The following EDIL3 variants were observed in gnomAD, a reference collection of about 807,000 sequenced individuals.
EDIL3 encodes the protein EGF-like repeat and discoidin I-like domain-containing protein 3.
EDIL3 carries 37 observed loss-of-function variants against 67.4 expected under a neutral mutation model. That is an observed-to-expected ratio of 0.55 (90% CI 0.42 to 0.72). The LOEUF (loss-of-function observed/expected upper bound fraction) is 0.72. Ranked by LOEUF, EDIL3 falls within the 30% of genes least tolerant of loss-of-function variation. The probability of loss-of-function intolerance (pLI) is 0.00; values close to 1 mark genes in which losing one functional copy is unlikely to be tolerated. For missense variants in EDIL3, 527 were observed against 586.3 expected (o/e 0.90, Z 1.04); for synonymous variants, 195 against 196.3 (o/e 0.99, Z 0.05).
At chr5:83,956,137 A>G (rs1046935113) in intron 10 of EDIL3, among the ~76,000 whole-genome samples, 4 of 151,640 alleles carry the variant, frequency 2.6e-5, no homozygotes, top group African/African-American at 9.7e-5. Context: ...TTGCACTTAC[A>G]TTGGGCACTA....
intron 9 of EDIL3, among the ~76,000 whole-genome samples, chr5:84,052,537 C>T (rs555898469): frequency 1.1e-3 from 172 of 152,208 alleles, no homozygotes; most frequent in African/African-American, 3.8e-3. Flanking sequence ...AGTCAAGACC[C>T]ATCAGTGTGC....
chr5:84,222,779 C>CTT (rs35447376), intron 3 of EDIL3, among the ~76,000 whole-genome samples: 101,810 of 151,294 alleles, frequency 0.67, 34,615 homozygotes, highest in East Asian at 0.85. Flanking sequence ...CTCATGTCTT[C>CTT]TAGAGAAATG....
intron 1 of EDIL3, among the ~76,000 whole-genome samples, chr5:84,307,480 C>T (rs1746295399): frequency 6.6e-6 from 1 of 152,128 alleles, no homozygotes; most frequent in Non-Finnish European, 1.5e-5. Context: ...AGAAACTAGA[C>T]AACTGCTACA....
intron 1 of EDIL3, among the ~76,000 whole-genome samples, chr5:84,299,505 C>T (rs1169700586): frequency 6.6e-6 from 1 of 152,138 alleles, no homozygotes; most frequent in Non-Finnish European, 1.5e-5. Flanking sequence ...AGTTCTACCT[C>T]CTTAAATTAC....
intron 8 of EDIL3, 88 bp from the exon 9 acceptor site, chr5:84,060,572 T>A: frequency 7.3e-7 from 1 of 1,373,672 alleles, no homozygotes; most frequent in Non-Finnish European, 1.0e-6. Context: ...AAGAGAAGAT[T>A]AAACATAATG....
intron 6 of EDIL3, among the ~76,000 whole-genome samples, chr5:84,076,239 G>A (rs1038892517): frequency 3.9e-5 from 6 of 151,992 alleles, no homozygotes; most frequent in Non-Finnish European, 8.8e-5. Context: ...TGCAATATAG[G>A]AAGAAAATGT....
chr5:84,062,743 G>A (rs1054564839), intron 8 of EDIL3, among the ~76,000 whole-genome samples: 2 of 152,104 alleles, frequency 1.3e-5, no homozygotes, highest in African/African-American at 4.8e-5. Flanking sequence ...AGGCTTTACA[G>A]TGTTCCACTG....
At chr5:84,038,008 T>TTTTTG in intron 9 of EDIL3, among the ~76,000 whole-genome samples, 1 of 129,008 alleles carries the variant, frequency 7.8e-6, no homozygotes, top group Non-Finnish European at 1.7e-5. Context: ...TTTTTTTTTT[T>TTTTTG]TTTGAGACAG....
At chr5:84,258,246 T>G (rs972077894) in intron 1 of EDIL3, among the ~76,000 whole-genome samples, 5 of 152,168 alleles carry the variant, frequency 3.3e-5, no homozygotes, top group Non-Finnish European at 7.3e-5. Context: ...AAGTAATGTC[T>G]GCGAATGACA....
rs111566312 is a variant in EDIL3 at position 83,943,301 on chromosome 5, G to A, written c.*118C>T. 7 of 1,404,346 alleles carry A rather than the reference G, an allele frequency of 5.0e-6. No individual in the cohort carries two copies. Among genetic ancestry groups the A allele is most frequent in the Non-Finnish European group, 6.8e-6 (7 of 1,034,586 alleles). 87.0% of individuals were successfully genotyped at this position (1,404,346 alleles called of 1,614,324 possible). A position where few individuals can be genotyped will look rare whatever the true frequency, so the allele number is the denominator to read the frequency against. Reference sequence around the variant, plus strand: ...CCGTTAGTTGCCTACCATAATTTGAGCACTTTTTCATGAAAAAAAAAAAAA... The same window carrying A: ...CCGTTAGTTGCCTACCATAATTTGAACACTTTTTCATGAAAAAAAAAAAAA... On this transcript the variant is annotated 3_prime_UTR_variant, in exon 11 of 11. Coordinates refer to ENST00000296591, the MANE Select transcript of EDIL3 (RefSeq NM_005711.5).
At chr5:84,098,551 T>C (rs1294370563) in intron 6 of EDIL3, among the ~76,000 whole-genome samples, 2 of 6,052 alleles carry the variant, frequency 3.3e-4, no homozygotes, top group African/African-American at 5.7e-3. Context: ...TAACAAAATA[T>C]ATATATTTGA....
At chr5:84,324,115 C>T (rs756340439) in intron 1 of EDIL3, among the ~76,000 whole-genome samples, 4 of 151,984 alleles carry the variant, frequency 2.6e-5, no homozygotes, top group Non-Finnish European at 4.4e-5. Flanking sequence ...ACAGCATGTA[C>T]ATTCTCCTCA....
rs1362123255 is a variant in EDIL3 at position 84,384,526 on chromosome 5, C to A, written c.-152G>T. On this transcript the variant is annotated 5_prime_UTR_variant, in exon 1 of 11. Coordinates refer to ENST00000296591, the MANE Select transcript of EDIL3 (RefSeq NM_005711.5). ...TCCTCAGCGCTTTGTTAAACAAATT[C>A]TTGGAGAGGGCGAGAGTGGTGACTA... 2 of 697,160 alleles carry A rather than the reference C, an allele frequency of 2.9e-6. No homozygotes were observed. The highest frequency in any genetic ancestry group is 2.8e-5 in the Admixed American group (1 of 35,092). The allele number at this position is 697,160 out of a possible 1,614,324, so 43.2% of individuals were successfully genotyped here. A position where few individuals can be genotyped will look rare whatever the true frequency, so the allele number is the denominator to read the frequency against.
At chr5:84,304,192 T>C (rs571377324) in intron 1 of EDIL3, among the ~76,000 whole-genome samples, 1 of 152,304 alleles carries the variant, frequency 6.6e-6, no homozygotes, top group Non-Finnish European at 1.5e-5. Flanking sequence ...TCTTCACCAT[T>C]GAGTAACAGG....
At chr5:84,302,580 G>A (rs758067891) in intron 1 of EDIL3, among the ~76,000 whole-genome samples, 61 of 152,220 alleles carry the variant, frequency 4.0e-4, no homozygotes, top group Non-Finnish European at 7.9e-4. Context: ...ACAGGCGTAA[G>A]CCACTGCGTC....
chr5:84,346,812 CA>C (rs5869226), intron 1 of EDIL3, among the ~76,000 whole-genome samples: 39,767 of 152,034 alleles, frequency 0.26, 6,424 homozygotes, highest in Non-Finnish European at 0.36. Flanking sequence ...CACCGATAAT[CA>C]TCATGTTTCT....
chr5:84,336,063 T>G (rs530946292), intron 1 of EDIL3, among the ~76,000 whole-genome samples: 1 of 152,328 alleles, frequency 6.6e-6, no homozygotes, highest in East Asian at 1.9e-4. Context: ...TCCCACCTCT[T>G]AATACTATCA....
At chr5:84,135,665 G>A (rs530669364) in intron 5 of EDIL3, among the ~76,000 whole-genome samples, 8 of 152,246 alleles carry the variant, frequency 5.3e-5, no homozygotes, top group South Asian at 2.1e-4. Context: ...AATGCTTCAC[G>A]GGAAGGTTTC....
chr5:84,299,386 T>C (rs1354706982), intron 1 of EDIL3, among the ~76,000 whole-genome samples: 2 of 152,210 alleles, frequency 1.3e-5, no homozygotes, highest in Non-Finnish European at 2.9e-5. Flanking sequence ...TGAAGATATA[T>C]GTAACCAATT....
Sources: allele counts gnomAD v4.1 joint callset (sites outside exome capture counted in the v4.1 genomes callset), GRCh38; gene constraint gnomAD v4.1.1; transcripts MANE v1.5; gene names NCBI Gene and HGNC (gene_info 2026-07-23, HGNC 2026-07-21).